Variants in TPCN2 observed in about 807,000 individuals in gnomAD.
TPCN2 encodes two pore segment channel 2.
In TPCN2, 92 loss-of-function variants were observed where a neutral mutation model predicts 111.4. That is an observed-to-expected ratio of 0.83 (90% confidence interval 0.70 to 0.98). The LOEUF is 0.98. Ranked by LOEUF, TPCN2 falls within the 50% of genes least tolerant of loss-of-function variation. TPCN2 has a pLI of 0.00. For synonymous variants in TPCN2, 405 were observed against 414.5 expected, an observed-to-expected ratio of 0.98 and a Z score of 0.28; for missense variants, 995 against 980.1, an observed-to-expected ratio of 1.02 and a Z score of -0.20.
chr11:69,064,061 C>G lies in TPCN2; in HGVS notation c.726+94C>G, dbSNP rs961609856. Reference sequence around the variant, plus strand: ...CTGGTGTCTGCTGCCCTGGCCTAACCCATGTGCGGACTCTGTCCAGTAATA... The same window carrying G: ...CTGGTGTCTGCTGCCCTGGCCTAACGCATGTGCGGACTCTGTCCAGTAATA... On this transcript the variant is annotated intron_variant, in intron 7 of 24. Transcript: ENST00000294309. The G allele has an allele frequency of 1.9e-5, 24 of 1,243,866 alleles. No homozygotes were observed. In the African/African-American group the frequency reaches 3.1e-4, roughly 16 times the overall value. The allele number at this position is 1,243,866 out of a possible 1,614,324, so 77.1% of individuals were successfully genotyped here.
rs1281129478 is a variant in TPCN2 at position 69,072,651 on chromosome 11, G to A, written c.1086G>A (p.Leu362=). ...GAGTTGGGGTGAAGCCCCAGAACTT[G>A]CTGCAGGTGCTTCAGAAGGTCCAGC... The part of the protein sequence containing the change: ...PQAVGVKPQN[L]LQVLQKVQLD... The change falls in exon 12 of 25, where the codon TTG becomes TTA. Residue 362 remains leucine (L), a synonymous_variant. Transcript: ENST00000294309. 1 of 1,613,938 alleles carries A rather than the reference G, an allele frequency of 6.2e-7. No individual in the cohort carries two copies. Among genetic ancestry groups the A allele is most frequent in the South Asian group, 1.1e-5 (1 of 91,078 alleles).
At chr11:69,058,015 C>G (rs1203968481) in intron 5 of TPCN2, among the ~76,000 whole-genome samples, 7 of 152,200 alleles carry the variant, frequency 4.6e-5, no homozygotes, top group African/African-American at 1.7e-4. Context: ...GCCGTCCAGC[C>G]CCGGATGAGA....
chr11:69,087,134 C>A lies in TPCN2; in HGVS notation c.2108C>A (p.Pro703His). 6.2e-7 allele frequency: 1 copy of A among 1,613,876 alleles called. No homozygotes were observed. The highest frequency in any genetic ancestry group is 8.5e-7 in the Non-Finnish European group (1 of 1,179,868). The change falls in exon 24 of 25, where the codon CCC becomes CAC. Residue 703 changes from proline to histidine, a missense_variant. Pro to His is a moderately conservative substitution (Grantham distance 77, BLOSUM62 -2). Coordinates refer to ENST00000294309, the MANE Select transcript of TPCN2 (RefSeq NM_139075.4). ...CAGAACTTCCTTCACAAGTGGGACC[C>A]CCGCAGCCACCTGCAGCCCCTTGCT... ...ILENFLHKWD[P>H]RSHLQPLAGT...
In TPCN2 at chr11:69,085,918, G is replaced by C; in HGVS notation, c.1991G>C (p.Arg664Pro). The C allele has an allele frequency of 6.2e-7, 1 of 1,614,018 alleles. No individual in the cohort carries two copies. The highest frequency in any genetic ancestry group is 8.5e-7 in the Non-Finnish European group (1 of 1,179,912). ...NWQVFLDAYRRYSGPWSKIYF... is the reference protein window; with the variant it reads ...NWQVFLDAYRPYSGPWSKIYF... ...CAGGTGTTTCTGGATGCATATCGGCGCTACTCAGGCCCGTGAGTCCTCGTC... is the reference window on the plus strand; with the variant it reads ...CAGGTGTTTCTGGATGCATATCGGCCCTACTCAGGCCCGTGAGTCCTCGTC... Residue 664 changes from arginine to proline, a missense_variant, in exon 22 of 25, where the codon CGC (arginine) becomes CCC (proline). Arg to Pro is a moderately radical substitution (Grantham distance 103). Transcript: ENST00000294309.
intron 18 of TPCN2, 51 bp downstream of exon 18, chr11:69,081,550 T>C: frequency 7.2e-7 from 1 of 1,392,182 alleles, no homozygotes; most frequent in African/African-American, 1.4e-5. Context: ...GTCATGCTGC[T>C]GCGTTGCTCC....
rs144725576 is a variant in TPCN2 at position 69,085,317 on chromosome 11, T to C, written c.1838+31T>C. 7.3e-5 allele frequency: 102 copies of C among 1,398,806 alleles called. No homozygotes were observed. The African/African-American group carries it at 1.4e-3, about 19-fold the overall frequency. 86.6% of individuals were successfully genotyped at this position (1,398,806 alleles called of 1,614,324 possible). ...GTGGGGTCCGAGGTGCCACAGGGAG[T>C]GTCTCAGGGGTGCTGGGGTGGGCGG... On this transcript the variant is annotated intron_variant, in intron 20 of 24. Coordinates refer to ENST00000294309, the MANE Select transcript of TPCN2 (RefSeq NM_139075.4).
In TPCN2 at chr11:69,049,407, A is replaced by G. The variant is rs184603161; in HGVS notation, c.109+301A>G. Among the ~76,000 whole-genome samples, 1,094 of 152,288 alleles carry G rather than the reference A, an allele frequency of 7.2e-3. 14 individuals are homozygous for G. The highest frequency in any genetic ancestry group is 0.024 in the African/African-American group (1,014 of 41,566). ...TTGGGCAGCCCCGAGGGAACCGGCC[A>G]CCTGCGGCAGGCACCCTCCGTGTGC... On this transcript the variant is annotated intron_variant, in intron 1 of 24. Transcript: ENST00000294309.
chr11:69,073,543 G>T (rs1590735113), intron 13 of TPCN2, among the ~76,000 whole-genome samples: 1 of 152,264 alleles, frequency 6.6e-6, no homozygotes, highest in South Asian at 2.1e-4. Flanking sequence ...GGGCAGAGAG[G>T]TGGGGTGGCA....
rs1565089108 is a variant in TPCN2 at position 69,072,644 on chromosome 11, A to G, written c.1079A>G (p.Gln360Arg). 6.2e-7 allele frequency: 1 copy of G among 1,613,938 alleles called. No homozygotes were observed. The highest frequency in any genetic ancestry group is 8.5e-7 in the Non-Finnish European group (1 of 1,180,016). Residue 360 changes from glutamine to arginine, a missense_variant, in exon 12 of 25, where the codon CAG becomes CGG. Coordinates refer to ENST00000294309, the MANE Select transcript of TPCN2 (RefSeq NM_139075.4). The stretch of plus-strand genomic sequence containing the variant: ...CCCTGCAGAGTTGGGGTGAAGCCCC[A>G]GAACTTGCTGCAGGTGCTTCAGAAG... ...AFPQAVGVKP[Q>R]NLLQVLQKVQ...
In TPCN2 at chr11:69,063,330, T is replaced by A. The variant is rs150557260; in HGVS notation, c.653+340T>A. On this transcript the variant is annotated intron_variant, in intron 6 of 24. Transcript: ENST00000294309. ...CCTGCCTCTCCCCTCTGCCGTCCCC[T>A]CCCACTCATGGTGTCGGCACGCTGC... is the stretch of plus-strand genomic sequence containing the variant. Among the ~76,000 whole-genome samples, 64 of 152,060 alleles carry A rather than the reference T, an allele frequency of 4.2e-4. 1 individual carries two copies. In the East Asian group the frequency reaches 0.01, roughly 24 times the overall value.
At chr11:69,054,299 T>C in intron 2 of TPCN2, 1 of 595,894 alleles carries the variant, frequency 1.7e-6, no homozygotes, top group South Asian at 2.0e-5. Context: ...ATTTGCTGCT[T>C]TGATGCACCG....
intron 8 of TPCN2, among the ~76,000 whole-genome samples, chr11:69,069,258 G>A (rs1219935716): frequency 3.0e-5 from 3 of 101,674 alleles, no homozygotes; most frequent in Non-Finnish European, 6.3e-5. Flanking sequence ...GACCGTCTGA[G>A]TCCTAGGAAG....
Position 69,087,855 on chromosome 11 carries a change from A to C in TPCN2, c.2181-20A>C, listed in dbSNP as rs755039114. 2.5e-6 allele frequency: 4 copies of C among 1,606,868 alleles called. No homozygotes were observed. Among genetic ancestry groups the C allele is most frequent in the Non-Finnish European group, 3.4e-6 (4 of 1,175,586 alleles). Reference sequence around the variant, plus strand: ...CCCTCCTTTAGAGGCCCCTGTGTGCATCTTTCCTCAATTCCACAGGGATAT... The same window carrying C: ...CCCTCCTTTAGAGGCCCCTGTGTGCCTCTTTCCTCAATTCCACAGGGATAT... On this transcript the variant is annotated intron_variant, in intron 24 of 24. Transcript: ENST00000294309.
rs1856261062 is a variant in TPCN2 at position 69,086,082 on chromosome 11, G to C, written c.2003+152G>C. On this transcript the variant is annotated intron_variant, in intron 22 of 24. Coordinates refer to ENST00000294309, the MANE Select transcript of TPCN2 (RefSeq NM_139075.4). ...GGAAGTCGGCCAGCGTGGCATCCTG[G>C]CTTGCCTTGTCCCTGCCCCCTGCAT... The C allele has an allele frequency of 4.0e-6, 3 of 754,564 alleles. No homozygotes were observed. The South Asian group carries it at 4.9e-5, about 12-fold the overall frequency. 46.7% of individuals were successfully genotyped at this position (754,564 alleles called of 1,614,324 possible).
intron 17 of TPCN2, among the ~76,000 whole-genome samples, chr11:69,080,301 G>A (rs1320716632): frequency 1.3e-5 from 2 of 152,242 alleles, no homozygotes; most frequent in African/African-American, 4.8e-5. Flanking sequence ...GCCTCACAGT[G>A]TGACCTTGAG....
chr11:69,057,821 C>T (rs978749488), intron 5 of TPCN2, 127 bp downstream of exon 5: 2 of 770,316 alleles, frequency 2.6e-6, no homozygotes, highest in African/African-American at 3.4e-5. Flanking sequence ...CAGCACTGCC[C>T]ACCTCCCATG....
chr11:69,055,333 C>G lies in TPCN2; in HGVS notation c.410C>G (p.Ala137Gly). ...GAGGTGCTCTGCCTGCTGGTCTTTG[C>G]GGCCGACCTCTCTGTGAAGGTGAGG... ...SVEVLCLLVF[A>G]ADLSVKGYLF... is the part of the protein sequence containing the mutation. The change falls in exon 4 of 25, where the codon GCG becomes GGG. Residue 137 changes from alanine to glycine, a missense_variant. By Grantham distance (60) the Ala-to-Gly change is moderately conservative. Transcript: ENST00000294309. 1 of 1,610,232 alleles carries G rather than the reference C, an allele frequency of 6.2e-7. No individual in the cohort carries two copies. Among genetic ancestry groups the G allele is most frequent in the Non-Finnish European group, 8.5e-7 (1 of 1,178,986 alleles).
chr11:69,069,212 C>T (rs369367712), intron 8 of TPCN2, among the ~76,000 whole-genome samples: 97 of 107,902 alleles, frequency 9.0e-4, no homozygotes, highest in Non-Finnish European at 1.4e-3. Context: ...GGAGCAGGAC[C>T]GTCTGAGTCC....
Position 69,054,728 on chromosome 11 carries a change from C to T in TPCN2, c.182C>T (p.Ser61Phe). 2 of 1,614,166 alleles carry T rather than the reference C, an allele frequency of 1.2e-6. No individual in the cohort carries two copies. Among genetic ancestry groups the T allele is most frequent in the South Asian group, 2.2e-5 (2 of 91,082 alleles). Residue 61 changes from serine to phenylalanine, a missense_variant, in exon 3 of 25, where the codon TCC (serine) becomes TTC (phenylalanine). Physicochemically the swap from Ser to Phe is radical, Grantham distance 155. Coordinates refer to ENST00000294309, the MANE Select transcript of TPCN2 (RefSeq NM_139075.4). ...GTGACTTTTCGCTTGTAGTACCGCT[C>T]CATCAACCACCGGGTGGATGCCAGC... ...VFIEDAIQYR[S>F]INHRVDASSM...
Sources: gnomAD v4.1 joint callset for allele counts (sites outside exome capture counted in the v4.1 genomes callset) on GRCh38, gnomAD v4.1.1 for gene constraint, MANE v1.5 for transcripts, NCBI Gene and HGNC (gene_info 2026-07-23, HGNC 2026-07-21) for gene names.